Variants in NDUFB5 observed in about 807,000 individuals in gnomAD.
NDUFB5 encodes NADH dehydrogenase [ubiquinone] 1 beta subcomplex subunit 5, mitochondrial.
In NDUFB5, 19 loss-of-function variants were observed where a neutral mutation model predicts 19.4. The observed-to-expected ratio is 0.98, with a 90% CI of 0.68 to 1.43. The LOEUF (loss-of-function observed/expected upper bound fraction) is 1.43. Ranked by LOEUF, NDUFB5 falls within the 40% of genes most tolerant of loss-of-function variation. The pLI, the probability that NDUFB5 is intolerant of heterozygous loss-of-function variation, is 0.00. For synonymous variants in NDUFB5, 80 were observed against 82.6 expected, an observed-to-expected ratio of 0.97 and a Z score of 0.17; for missense variants, 233 against 236.5, an observed-to-expected ratio of 0.99 and a Z score of 0.10.
At chr3:179,618,328 T>C (rs1350731334) in intron 4 of NDUFB5, 87 bp from the exon 5 acceptor site, 8 of 789,462 alleles carry the variant, frequency 1.0e-5, no homozygotes, top group Non-Finnish European at 1.6e-5. Context: ...TTTATCTAAC[T>C]GAAATGATCA....
At chr3:179,610,718 G>A (rs551148717) in intron 1 of NDUFB5, among the ~76,000 whole-genome samples, 11 of 152,256 alleles carry the variant, frequency 7.2e-5, no homozygotes, top group African/African-American at 2.6e-4. Flanking sequence ...AAAATTAGCA[G>A]ATAAAGCTAT....
At chr3:179,609,746 A>G (rs375303508) in intron 1 of NDUFB5, among the ~76,000 whole-genome samples, 41 of 152,258 alleles carry the variant, frequency 2.7e-4, no homozygotes, top group African/African-American at 8.9e-4. Context: ...CACTTCCTCC[A>G]TATTGTCACT....
rs765707582 is a variant in NDUFB5, at chr3:179,615,056, A to G, written c.210A>G (p.Leu70=). Residue 70 remains leucine, a synonymous_variant, in exon 2 of 6, where the codon TTA becomes TTG. Coordinates refer to ENST00000259037, the MANE Select transcript of NDUFB5 (RefSeq NM_002492.4). ...SRFYDRRFLK[L]LRFYIALTGI... ...TCTATGACAGGCGTTTTTTGAAGTT[A>G]TTGGTAAGTTTAAATTTTTTGTTGA... 5 of 1,601,920 alleles carry G rather than the reference A, an allele frequency of 3.1e-6. No individual in the cohort carries two copies. The highest frequency in any genetic ancestry group is 1.7e-5 in the Admixed American group (1 of 59,504).
chr3:179,607,875 T>C, intron 1 of NDUFB5: 1 of 689,040 alleles, frequency 1.5e-6, no homozygotes, highest in Non-Finnish European at 2.6e-6. Context: ...CATATTTATG[T>C]CGTAGCATAT....
intron 5 of NDUFB5, among the ~76,000 whole-genome samples, chr3:179,620,639 C>T (rs1719511394): frequency 6.6e-6 from 1 of 152,150 alleles, no homozygotes; most frequent in Non-Finnish European, 1.5e-5. Flanking sequence ...GTGATGCCTC[C>T]AGCTTTGTTC....
chr3:179,616,280 C>T (rs1026661597), intron 3 of NDUFB5, among the ~76,000 whole-genome samples: 6 of 152,152 alleles, frequency 3.9e-5, no homozygotes, highest in Admixed American at 2.6e-4. Context: ...CAGTGGCTCA[C>T]GCCTGTAATC....
intron 5 of NDUFB5, among the ~76,000 whole-genome samples, chr3:179,623,669 G>A (rs1017539109): frequency 3.9e-5 from 6 of 151,976 alleles, no homozygotes; most frequent in Non-Finnish European, 8.8e-5. Flanking sequence ...GCAAGACTCC[G>A]TCTCAAAAAA....
At chr3:179,617,805 A>T (rs1412096321) in intron 4 of NDUFB5, among the ~76,000 whole-genome samples, 1 of 152,170 alleles carries the variant, frequency 6.6e-6, no homozygotes, top group Non-Finnish European at 1.5e-5. Context: ...ACCTGTCTAG[A>T]TGGGGTCACT....
intron 1 of NDUFB5, 57 bp from the exon 2 acceptor site, chr3:179,614,914 A>G: frequency 8.5e-7 from 1 of 1,175,912 alleles, no homozygotes; most frequent in Non-Finnish European, 1.2e-6. Flanking sequence ...TTAACTCAGA[A>G]TATAACAGTA....
chr3:179,607,622 C>A, intron 1 of NDUFB5: 1 of 563,554 alleles, frequency 1.8e-6, no homozygotes. Flanking sequence ...TTTTTAAGTG[C>A]ACCGTTCAGT....
chr3:179,623,793 G>C (rs958644660), intron 5 of NDUFB5, 127 bp from the exon 6 acceptor site: 2 of 1,171,858 alleles, frequency 1.7e-6, no homozygotes, highest in African/African-American at 3.1e-5. Context: ...GCCTACATAA[G>C]GGTCTGTGGA....
rs774900819 is a variant in NDUFB5 at position 179,617,041 on chromosome 3, T to C, written c.339T>C (p.Tyr113=). Residue 113 remains tyrosine, a synonymous_variant, in exon 4 of 6, where the codon TAT becomes TAC. Transcript: ENST00000259037. ...EGYVPEHWEY[Y]KHPISRWIAR... ...ATGTCCCAGAACACTGGGAATATTA[T>C]AAGGTTTGTATAGGACATTGACAAT... is the stretch of plus-strand genomic sequence containing the variant. 1.6e-5 allele frequency: 25 copies of C among 1,607,582 alleles called. No homozygotes were observed. The East Asian group carries it at 4.2e-4, about 27-fold the overall frequency.
At chr3:179,618,155 T>C (rs1015634063) in intron 4 of NDUFB5, 2 of 293,298 alleles carry the variant, frequency 6.8e-6, no homozygotes, top group African/African-American at 4.5e-5. Flanking sequence ...TACACAGCTT[T>C]GGAGTCAGAC....
intron 5 of NDUFB5, among the ~76,000 whole-genome samples, chr3:179,619,667 A>C (rs1181994239): frequency 6.6e-6 from 1 of 152,198 alleles, no homozygotes; most frequent in Non-Finnish European, 1.5e-5. Flanking sequence ...ATATGTGTGC[A>C]TGTGTCTTTA....
In NDUFB5 at chr3:179,624,132, AAG is replaced by A. The variant is rs1719608274; in HGVS notation, c.*95_*96del. 8.3e-7 allele frequency: 1 copy of A among 1,204,030 alleles called. No individual in the cohort carries two copies. Among genetic ancestry groups the A allele is most frequent in the Admixed American group, 2.8e-5 (1 of 35,380 alleles). 74.6% of individuals were successfully genotyped at this position (1,204,030 alleles called of 1,614,324 possible). ...TATTTTTGCTCTCCGTGAAAAACAA[AAG>A]AGCCTCTGACATTACTGTCTCTCAG... On this transcript the variant is annotated 3_prime_UTR_variant, in exon 6 of 6. Transcript: ENST00000259037.
rs761402828 is a variant in NDUFB5, at chr3:179,623,434, AG to A, written c.450-484del. Among the ~76,000 whole-genome samples, 69 of 152,316 alleles carry A rather than the reference AG, an allele frequency of 4.5e-4. 1 individual carries two copies. The Middle Eastern group carries it at 0.017, about 38-fold the overall frequency. ...ACGCCTGTAATCCCAGCACTTTGGGAGGCCAAGGCAGGCAGATCACGACGAG... is the reference window on the plus strand; with the variant it reads ...ACGCCTGTAATCCCAGCACTTTGGGAGCCAAGGCAGGCAGATCACGACGAG... On this transcript the variant is annotated intron_variant, in intron 5 of 5. Transcript: ENST00000259037.
In NDUFB5 at chr3:179,627,275, A is replaced by G. The variant is rs1440877094; in HGVS notation, c.*3235A>G. On this transcript the variant is annotated 3_prime_UTR_variant, in exon 6 of 6. Coordinates refer to ENST00000259037, the MANE Select transcript of NDUFB5 (RefSeq NM_002492.4). ...AAGAAAACCCAATTCCCCCTGAGAA[A>G]GAGAAAGAGCTGGAGTCCTTTAAAA... 1.3e-5 allele frequency: 2 copies of G among 152,218 alleles called. No homozygotes were observed. Among genetic ancestry groups the G allele is most frequent in the African/African-American group, 4.8e-5 (2 of 41,454 alleles). 9.4% of individuals were successfully genotyped at this position (152,218 alleles called of 1,614,324 possible). A position where few individuals can be genotyped will look rare whatever the true frequency, so the allele number is the denominator to read the frequency against.
rs1190959483 is a variant in NDUFB5, at chr3:179,608,177, G to GT, written c.124+3248dup. ...TGCAGATGAACTGGGGAGGAAGAGA[G>GT]TTTTTTTTTTGTTTTGTTTTGTTTT... On this transcript the variant is annotated intron_variant, in intron 1 of 5. Transcript: ENST00000259037. Among the ~76,000 whole-genome samples the GT allele has an allele frequency of 2.9e-3, 421 of 146,216 alleles. 5 individuals carry two copies. Among genetic ancestry groups the GT allele is most frequent in the African/African-American group, 8.7e-3 (347 of 39,870 alleles).
intron 1 of NDUFB5, among the ~76,000 whole-genome samples, chr3:179,611,023 G>C (rs1442466994): frequency 6.6e-6 from 1 of 152,138 alleles, no homozygotes; most frequent in Admixed American, 6.6e-5. Context: ...TGACTCTTGG[G>C]GTAGGTAGGC....
Sources: allele counts gnomAD v4.1 joint callset (sites outside exome capture counted in the v4.1 genomes callset), GRCh38; gene constraint gnomAD v4.1.1; transcripts MANE v1.5; gene names NCBI Gene and HGNC (gene_info 2026-07-23, HGNC 2026-07-21).